SZT2: variants seen among roughly 807,000 people sequenced by gnomAD.
The protein encoded by SZT2 is SZT2 subunit of KICSTOR complex.
A neutral mutation model predicts 404.2 loss-of-function variants in SZT2; 216 were observed. The ratio of observed to expected loss-of-function variants is 0.53; its 90% CI spans 0.48 to 0.60. The LOEUF is 0.60. SZT2 is among the 20% of genes least tolerant of loss of function. SZT2 has a pLI of 0.00. For missense variants in SZT2, 3,857 were observed against 4,459.2 expected, an observed-to-expected ratio of 0.86 and a Z score of 3.85; for synonymous variants, 1,693 against 1,749.9, an observed-to-expected ratio of 0.97 and a Z score of 0.81.
chr1:43,440,510 T>C lies in SZT2; in HGVS notation c.7268T>C (p.Phe2423Ser), dbSNP rs1184985032. ...TKSSAGRAST[F>S]PPAPVPGEPV... ...AGCTCTGCAGGCCGAGCTAGCACCT[T>C]TCCCCCTGCCCCTGTCCCTGGGGAG... Residue 2423 changes from phenylalanine (F) to serine (S), a missense_variant, in exon 52 of 72, where the codon TTT (phenylalanine) becomes TCT (serine). Physicochemically the swap from Phe to Ser is radical, Grantham distance 155. Transcript: ENST00000634258. 6 of 1,608,224 alleles carry C rather than the reference T, an allele frequency of 3.7e-6. No individual in the cohort carries two copies. In the South Asian group the frequency reaches 6.6e-5, roughly 18 times the overall value.
In SZT2 at chr1:43,440,518, G is replaced by A; in HGVS notation, c.7276G>A (p.Ala2426Thr). 1 of 1,608,466 alleles carries A rather than the reference G, an allele frequency of 6.2e-7. No individual in the cohort carries two copies. The highest frequency in any genetic ancestry group is 1.1e-5 in the South Asian group (1 of 90,356). ...AGGCCGAGCTAGCACCTTTCCCCCT[G>A]CCCCTGTCCCTGGGGAGCCTGTGAC... ...SAGRASTFPPAPVPGEPVTPP... is the reference protein window; with the variant it reads ...SAGRASTFPPTPVPGEPVTPP... The change falls in exon 52 of 72, where the codon GCC becomes ACC. Residue 2426 changes from alanine to threonine, a missense_variant. Physicochemically the swap from Ala to Thr is moderately conservative, Grantham distance 58. Around this residue, in one of 7 missense-constraint regions of SZT2, gnomAD observed 573 missense variants for 592.4 expected, o/e 0.97. Transcript: ENST00000634258.
At chr1:43,440,309 C>T in intron 51 of SZT2, 144 bp from the exon 52 acceptor site, 2 of 1,316,128 alleles carry the variant, frequency 1.5e-6, no homozygotes, top group Non-Finnish European at 2.1e-6. Context: ...ACACATGCAG[C>T]AGCACACTAT....
chr1:43,403,397 C>T, intron 2 of SZT2, 95 bp downstream of exon 2: 1 of 1,512,516 alleles, frequency 6.6e-7, no homozygotes, highest in South Asian at 1.3e-5. Flanking sequence ...GAGACTAACT[C>T]TTAAGTCTGG....
chr1:43,402,081 C>T (rs1570559826), intron 1 of SZT2, among the ~76,000 whole-genome samples: 1 of 152,204 alleles, frequency 6.6e-6, no homozygotes, highest in East Asian at 1.9e-4. Context: ...TCTTCACTTT[C>T]TTTCAACATC....
chr1:43,443,512 G>C, intron 61 of SZT2, 35 bp downstream of exon 61: 4 of 1,613,762 alleles, frequency 2.5e-6, no homozygotes, highest in Non-Finnish European at 3.4e-6. Flanking sequence ...GCAGACCTTT[G>C]CTTACCCCAC....
In SZT2 at chr1:43,403,223, G is replaced by T. The variant is rs760528024; in HGVS notation, c.74G>T (p.Arg25Leu). 6.2e-7 allele frequency: 1 copy of T among 1,613,984 alleles called. No individual in the cohort carries two copies. The highest frequency in any genetic ancestry group is 2.2e-5 in the East Asian group (1 of 44,886). The stretch of plus-strand genomic sequence containing the variant: ...TTCCTGTTAATGAAAAAGGATTATC[G>T]AATCTCCCGAAATGTTCGCCTGGCT... ...QVFLLMKKDYRISRNVRLAWF... is the reference protein window; with the variant it reads ...QVFLLMKKDYLISRNVRLAWF... The change falls in exon 2 of 72, where the codon CGA becomes CTA. Residue 25 changes from arginine to leucine, a missense_variant. Transcript: ENST00000634258.
At chr1:43,404,223 A>G in intron 3 of SZT2, 157 bp from the exon 4 acceptor site, 1 of 664,924 alleles carries the variant, frequency 1.5e-6, no homozygotes, top group Non-Finnish European at 2.5e-6. Context: ...TTTTGTTTCC[A>G]AAAAACACCC....
intron 4 of SZT2, chr1:43,405,498 G>A (rs1358060873): frequency 6.6e-6 from 1 of 152,208 alleles, no homozygotes; most frequent in African/African-American, 2.4e-5. Flanking sequence ...CCCCTCATCT[G>A]CTTTTAACTA....
intron 70 of SZT2, chr1:43,449,225 G>T (rs1264789640): frequency 5.9e-6 from 1 of 169,694 alleles, no homozygotes; most frequent in African/African-American, 2.4e-5. Flanking sequence ...TGCTGTAAAG[G>T]ACAGGTAGAG....
Position 43,430,016 on chromosome 1 carries a change from G to T in SZT2, c.4314G>T (p.Lys1438Asn). ...CCTTCTAAACCCCACAACAGGAGAA[G>T]TTCCTAGAGATCAGTCGTCTCCACT... ...HGALHSVIQEKFLEISRLHFR... is the reference protein window; with the variant it reads ...HGALHSVIQENFLEISRLHFR... The change falls in exon 30 of 72, where the codon AAG becomes AAT. Residue 1438 changes from lysine to asparagine, a missense_variant. By Grantham distance (94) the Lys-to-Asn change is moderately conservative. Transcript: ENST00000634258. The T allele has an allele frequency of 1.2e-6, 2 of 1,614,144 alleles. No homozygotes were observed. Among genetic ancestry groups the T allele is most frequent in the Non-Finnish European group, 1.7e-6 (2 of 1,180,030 alleles).
rs769387963 is a variant in SZT2, at chr1:43,430,026, A to C, written c.4324A>C (p.Ile1442Leu). ...CCCACAACAGGAGAAGTTCCTAGAGATCAGTCGTCTCCACTTCCGCACAGT... is the reference window on the plus strand; with the variant it reads ...CCCACAACAGGAGAAGTTCCTAGAGCTCAGTCGTCTCCACTTCCGCACAGT... Reference protein sequence around the residue: ...HSVIQEKFLEISRLHFRTVPS... With the variant: ...HSVIQEKFLELSRLHFRTVPS... The change falls in exon 30 of 72, where the codon ATC (isoleucine) becomes CTC (leucine). Residue 1442 changes from isoleucine (I) to leucine (L), a missense_variant. Ile to Leu is a conservative substitution (Grantham distance 5). Coordinates refer to ENST00000634258, the MANE Select transcript of SZT2 (RefSeq NM_001365999.1). 1.5e-5 allele frequency: 24 copies of C among 1,613,902 alleles called. No homozygotes were observed. Among genetic ancestry groups the C allele is most frequent in the Non-Finnish European group, 1.9e-5 (23 of 1,179,984 alleles).
rs769720407 is a variant in SZT2 at position 43,425,512 on chromosome 1, C to A, written c.2684C>A (p.Ala895Asp). The A allele has an allele frequency of 2.5e-6, 4 of 1,614,120 alleles. No individual in the cohort carries two copies. The East Asian group carries it at 8.9e-5, about 36-fold the overall frequency. The change falls in exon 19 of 72, where the codon GCC becomes GAC. Residue 895 changes from alanine to aspartate, a missense_variant. By Grantham distance (126) the Ala-to-Asp change is moderately radical. Around this residue, in one of 7 missense-constraint regions of SZT2, gnomAD observed 1,725 missense variants for 1,881.0 expected, o/e 0.92. Coordinates refer to ENST00000634258, the MANE Select transcript of SZT2 (RefSeq NM_001365999.1). The surrounding 1 kb of genome is among the most constrained non-coding windows in gnomAD (Gnocchi z 4.3). ...GATGACAATGATGTGGAAGTGGAGG[C>A]CCTGGAGGGAGACTCAGAGCTCAAT... is the stretch of plus-strand genomic sequence containing the variant. ...TDDDNDVEVE[A>D]LEGDSELNLV...
rs776815933 is a variant in SZT2, at chr1:43,437,648, C to T, written c.6344C>T (p.Pro2115Leu). The T allele has an allele frequency of 1.9e-6, 3 of 1,614,128 alleles. No individual in the cohort carries two copies. Among genetic ancestry groups the T allele is most frequent in the Non-Finnish European group, 2.5e-6 (3 of 1,180,020 alleles). ...DRPWKGDALP[P>L]SLALSRSQEP... ...CCATGGAAAGGGGATGCGCTGCCCC[C>T]TTCCCTCGCTCTGTCCCGAAGCCAA... Residue 2115 changes from proline to leucine, a missense_variant, in exon 45 of 72, where the codon CCT (proline) becomes CTT (leucine). Around this residue, in one of 7 missense-constraint regions of SZT2, gnomAD observed 261 missense variants for 372.9 expected, o/e 0.70. Coordinates refer to ENST00000634258, the MANE Select transcript of SZT2 (RefSeq NM_001365999.1). This position sits in a 1 kb window ranked among gnomAD's most constrained non-coding sequence, Gnocchi z 5.3.
rs773384559 is a variant in SZT2, at chr1:43,432,564, G to A, written c.5490G>A (p.Glu1830=). Residue 1830 remains glutamate, a synonymous_variant, in exon 38 of 72, where the codon GAG becomes GAA. Coordinates refer to ENST00000634258, the MANE Select transcript of SZT2 (RefSeq NM_001365999.1). ...PQAPGSPEDS[E]GVPLISLPRV... ...CACCTGGGTCCCCAGAGGATTCTGA[G>A]GGTGTCCCCCTCATCAGCCTGCCCC... is the stretch of plus-strand genomic sequence containing the variant. 9 of 1,613,670 alleles carry A rather than the reference G, an allele frequency of 5.6e-6. No individual in the cohort carries two copies. The African/African-American group carries it at 6.7e-5, about 12-fold the overall frequency.
At chr1:43,401,217 G>A (rs1649647746) in intron 1 of SZT2, among the ~76,000 whole-genome samples, 1 of 152,176 alleles carries the variant, frequency 6.6e-6, no homozygotes, top group African/African-American at 2.4e-5. Context: ...GAACCGTTAT[G>A]CCCAGCTGTT....
chr1:43,416,172 A>T, intron 6 of SZT2, 71 bp downstream of exon 6: 1 of 1,536,782 alleles, frequency 6.5e-7, no homozygotes, highest in Non-Finnish European at 8.8e-7. Flanking sequence ...CTGCTAACAA[A>T]GATAGCAGTT....
Position 43,442,021 on chromosome 1 carries a change from C to T in SZT2, c.7764C>T (p.Phe2588=), listed in dbSNP as rs1187230493. ...ATAGGGGTTCAGAGCCAGAGATCTT[C>T]GGCCCTTGTTCCCCTGGGCAACTGG... The part of the protein sequence containing the change: ...EQHLGSEPEI[F]GPCSPGQLGP... Residue 2588 remains phenylalanine, a synonymous_variant, in exon 56 of 72, where the codon TTC becomes TTT. Coordinates refer to ENST00000634258, the MANE Select transcript of SZT2 (RefSeq NM_001365999.1). This position sits in a 1 kb window ranked among gnomAD's most constrained non-coding sequence, Gnocchi z 4.5. 7 of 1,613,426 alleles carry T rather than the reference C, an allele frequency of 4.3e-6. No individual in the cohort carries two copies. The highest frequency in any genetic ancestry group is 2.2e-5 in the East Asian group (1 of 44,880).
At chr1:43,423,673 G>T (rs1050734037) in intron 15 of SZT2, among the ~76,000 whole-genome samples, 2 of 149,824 alleles carry the variant, frequency 1.3e-5, no homozygotes, top group African/African-American at 4.9e-5. Flanking sequence ...TGGCCTAGTG[G>T]GGTATGAGTG....
In SZT2 at chr1:43,441,264, T is replaced by G. The variant is rs78858677; in HGVS notation, c.7395T>G (p.Ile2465Met). 3.1e-6 allele frequency: 5 copies of G among 1,614,092 alleles called. No individual in the cohort carries two copies. The highest frequency in any genetic ancestry group is 4.2e-6 in the Non-Finnish European group (5 of 1,180,052). ...GTTCCCCCAAAACAACTGATGACAT[T>G]GTCCTGGATCGGCCAGAAGACACTC... is the stretch of plus-strand genomic sequence containing the variant. ...DLGSPKTTDD[I>M]VLDRPEDTRG... Residue 2465 changes from isoleucine to methionine, a missense_variant, in exon 53 of 72, where the codon ATT becomes ATG. Ile to Met is a conservative substitution (Grantham distance 10). Coordinates refer to ENST00000634258, the MANE Select transcript of SZT2 (RefSeq NM_001365999.1). The surrounding 1 kb of genome is among the most constrained non-coding windows in gnomAD (Gnocchi z 4.8).
Sources: gnomAD v4.1 joint callset for allele counts (sites outside exome capture counted in the v4.1 genomes callset) on GRCh38, gnomAD v4.1.1 for gene constraint, gnomAD v4.1.1 regional missense constraint, Gnocchi (gnomAD v3.1) non-coding constraint, MANE v1.5 for transcripts, NCBI Gene and HGNC (gene_info 2026-07-23, HGNC 2026-07-21) for gene names.